The following UBTD2 variants were observed in gnomAD, a reference collection of about 807,000 sequenced individuals.
The protein encoded by UBTD2 is ubiquitin domain containing 2.
A neutral mutation model predicts 19.8 loss-of-function variants in UBTD2; 9 were observed. The ratio of observed to expected loss-of-function variants is 0.46; its 90% CI spans 0.27 to 0.79. UBTD2 has a LOEUF of 0.79. UBTD2 is among the 30% of genes least tolerant of loss of function. The pLI, the probability that UBTD2 is intolerant of heterozygous loss-of-function variation, is 0.14. For missense variants in UBTD2, 250 were observed against 300.4 expected (o/e 0.83, Z 1.24); for synonymous variants, 98 against 103.9 (o/e 0.94, Z 0.35).
At chr5:172,249,320 A>G (rs1344382820) in intron 1 of UBTD2, among the ~76,000 whole-genome samples, 3 of 147,512 alleles carry the variant, frequency 2.0e-5, no homozygotes, top group African/African-American at 7.6e-5. Flanking sequence ...AATCGCTTGA[A>G]CCCAGGAGGA....
chr5:172,266,546 C>G (rs190138550), intron 1 of UBTD2, among the ~76,000 whole-genome samples: 2 of 152,074 alleles, frequency 1.3e-5, no homozygotes, highest in Non-Finnish European at 2.9e-5. Context: ...GAATTTCCTA[C>G]GGTTAAACAT....
Position 172,283,515 on chromosome 5 carries a change from C to A in UBTD2, c.70+81G>T. On this transcript the variant is annotated intron_variant, in intron 1 of 2. Transcript: ENST00000393792. The surrounding 1 kb of genome is among the most constrained non-coding windows in gnomAD (Gnocchi z 4.3). ...GACAAAGGGGCGCGGGGGCCCGGCG[C>A]GGCCCGCGGGGGTCGGGACAGGTGG... The A allele has an allele frequency of 8.9e-7, 1 of 1,121,894 alleles. No homozygotes were observed. The highest frequency in any genetic ancestry group is 1.1e-6 in the Non-Finnish European group (1 of 882,806). 69.5% of individuals were successfully genotyped at this position (1,121,894 alleles called of 1,614,324 possible). A position where few individuals can be genotyped will look rare whatever the true frequency, so the allele number is the denominator to read the frequency against.
Position 172,283,687 on chromosome 5 carries a change from C to T in UBTD2, c.-22G>A. 8.1e-7 allele frequency: 1 copy of T among 1,227,056 alleles called. No individual in the cohort carries two copies. The highest frequency in any genetic ancestry group is 1.0e-6 in the Non-Finnish European group (1 of 981,924). The allele number at this position is 1,227,056 out of a possible 1,614,324, so 76.0% of individuals were successfully genotyped here. Reference sequence around the variant, plus strand: ...CCATGGGGGCCCCCGGCGCCTCGTCCGCCACCTCCGGACGCTCGTCCGGGC... The same window carrying T: ...CCATGGGGGCCCCCGGCGCCTCGTCTGCCACCTCCGGACGCTCGTCCGGGC... On this transcript the variant is annotated 5_prime_UTR_variant, in exon 1 of 3. Transcript: ENST00000393792. The surrounding 1 kb of genome is among the most constrained non-coding windows in gnomAD (Gnocchi z 4.3).
At chr5:172,271,721 A>G (rs540065604) in intron 1 of UBTD2, among the ~76,000 whole-genome samples, 2 of 152,312 alleles carry the variant, frequency 1.3e-5, no homozygotes, top group South Asian at 4.1e-4. Flanking sequence ...CTCAAGAAAT[A>G]AAGTAGTTGC....
intron 1 of UBTD2, among the ~76,000 whole-genome samples, chr5:172,275,239 AACTC>A (rs1755583848): frequency 6.6e-6 from 1 of 152,140 alleles, no homozygotes. Context: ...ATCTTGTGAG[AACTC>A]ACTCACTATC....
chr5:172,246,616 G>A (rs1050814744), intron 1 of UBTD2, among the ~76,000 whole-genome samples: 6 of 151,400 alleles, frequency 4.0e-5, no homozygotes, highest in African/African-American at 1.5e-4. Context: ...GCTAATTTTT[G>A]TATTTTTGGT....
chr5:172,235,933 T>C (rs1268995179), intron 1 of UBTD2, among the ~76,000 whole-genome samples: 1 of 152,112 alleles, frequency 6.6e-6, no homozygotes, highest in African/African-American at 2.4e-5. Flanking sequence ...AATTCAATGT[T>C]CTATATTTAA....
At chr5:172,228,354 C>G (rs865903463) in intron 2 of UBTD2, among the ~76,000 whole-genome samples, 1 of 152,130 alleles carries the variant, frequency 6.6e-6, no homozygotes, top group Non-Finnish European at 1.5e-5. Flanking sequence ...CCTCTCTGTG[C>G]TTCAGTTTTC....
At position 172,246,751 on chromosome 5, in the gene UBTD2, C is replaced by CTTTTTTT. The variant is rs70982379; in HGVS notation, c.71-12400_71-12394dup. 1.1e-4 allele frequency among the ~76,000 whole-genome samples: 7 copies of CTTTTTTT among 62,494 alleles called. 1 individual carries two copies. The highest frequency in any genetic ancestry group is 5.1e-4 in the East Asian group (1 of 1,980). The allele number at this position is 62,494 out of a possible 152,430, so 41.0% of individuals were successfully genotyped here. Reference sequence around the variant, plus strand: ...GAGCCACCACGCCCAGCCGAGATTGCTTTTTTTTTTTTTTTTTTTTTTTTT... The same window carrying CTTTTTTT: ...GAGCCACCACGCCCAGCCGAGATTGCTTTTTTTTTTTTTTTTTTTTTTTTTTTTTTTT... On this transcript the variant is annotated intron_variant, in intron 1 of 2. Coordinates refer to ENST00000393792, the MANE Select transcript of UBTD2 (RefSeq NM_152277.3).
intron 1 of UBTD2, among the ~76,000 whole-genome samples, chr5:172,237,198 ATTCTCCTGC>A (rs1283324573): frequency 3.3e-5 from 5 of 152,154 alleles, no homozygotes; most frequent in African/African-American, 1.2e-4. Flanking sequence ...GGTTCAAGCG[ATTCTCCTGC>A]CTCAGCCTCT....
At chr5:172,219,753 G>A (rs574625217) in intron 2 of UBTD2, among the ~76,000 whole-genome samples, 1 of 152,210 alleles carries the variant, frequency 6.6e-6, no homozygotes, top group Admixed American at 6.5e-5. Flanking sequence ...ACTCATGCTA[G>A]TTTTGCCGTG....
chr5:172,237,479 G>A (rs1203411471), intron 1 of UBTD2, among the ~76,000 whole-genome samples: 1 of 152,090 alleles, frequency 6.6e-6, no homozygotes. Context: ...GCCTATTTCT[G>A]CCTGTATTAT....
chr5:172,213,843 A>G (rs927919437), intron 2 of UBTD2, among the ~76,000 whole-genome samples: 1 of 151,908 alleles, frequency 6.6e-6, no homozygotes, highest in Non-Finnish European at 1.5e-5. Flanking sequence ...CTGGAGTGCA[A>G]TGGCGCAATC....
intron 1 of UBTD2, among the ~76,000 whole-genome samples, chr5:172,259,208 C>G (rs1271454941): frequency 1.3e-5 from 2 of 151,952 alleles, no homozygotes; most frequent in Non-Finnish European, 2.9e-5. Flanking sequence ...AGTGGTGCCA[C>G]CTCGGCTGAC....
chr5:172,263,522 C>T (rs1374400914), intron 1 of UBTD2, among the ~76,000 whole-genome samples: 1 of 152,156 alleles, frequency 6.6e-6, no homozygotes, highest in Non-Finnish European at 1.5e-5. Context: ...GGGCCGGGTG[C>T]GGTGGCTCAC....
intron 1 of UBTD2, among the ~76,000 whole-genome samples, chr5:172,265,823 C>T (rs143869169): frequency 5.3e-5 from 8 of 152,096 alleles, no homozygotes; most frequent in East Asian, 1.9e-4. Flanking sequence ...TGGGGGAAGA[C>T]GGGAAGCATA....
chr5:172,268,460 A>G (rs1755420879), intron 1 of UBTD2, among the ~76,000 whole-genome samples: 1 of 152,194 alleles, frequency 6.6e-6, no homozygotes, highest in African/African-American at 2.4e-5. Flanking sequence ...ACATTCAGAC[A>G]AATCCAGATT....
chr5:172,213,231 T>G (rs1251983882), intron 2 of UBTD2, among the ~76,000 whole-genome samples: 1 of 151,966 alleles, frequency 6.6e-6, no homozygotes, highest in Non-Finnish European at 1.5e-5. Flanking sequence ...CCTCAAATGA[T>G]CCACCTGCCT....
intron 1 of UBTD2, among the ~76,000 whole-genome samples, chr5:172,280,528 A>AG (rs1176640407): frequency 2.6e-5 from 4 of 151,436 alleles, no homozygotes; most frequent in African/African-American, 9.7e-5. Flanking sequence ...AAAAAAAAAA[A>AG]ACCAGCCTAA....
Sources: allele counts gnomAD v4.1 joint callset (sites outside exome capture counted in the v4.1 genomes callset), GRCh38; gene constraint gnomAD v4.1.1; non-coding constraint Gnocchi (gnomAD v3.1); transcripts MANE v1.5; gene names NCBI Gene and HGNC (gene_info 2026-07-23, HGNC 2026-07-21).